LRIG1: variants seen among roughly 807,000 people sequenced by gnomAD.
The protein encoded by LRIG1 is leucine rich repeats and immunoglobulin like domains 1.
LRIG1 carries 48 observed loss-of-function variants against 99.2 expected under a neutral mutation model. The ratio of observed to expected loss-of-function variants is 0.48; its 90% CI spans 0.38 to 0.62. The LOEUF is 0.62. Among genes scored for constraint, LRIG1 ranks in the 20% least tolerant of loss-of-function variants. The pLI is 0.00. For missense variants in LRIG1, 1,646 were observed against 1,434.4 expected, an observed-to-expected ratio of 1.15 and a Z score of -2.38; for synonymous variants, 772 against 596.1, an observed-to-expected ratio of 1.29 and a Z score of -4.30.
intron 8 of LRIG1, chr3:66,406,056 C>G: frequency 1.0e-6 from 1 of 986,740 alleles, no homozygotes; most frequent in African/African-American, 1.7e-5. Context: ...ATTTTCCCCC[C>G]GAGCCCTTGC....
At chr3:66,472,176 C>T (rs1373967135) in intron 1 of LRIG1, among the ~76,000 whole-genome samples, 1 of 151,654 alleles carries the variant, frequency 6.6e-6, no homozygotes, top group East Asian at 1.9e-4. Context: ...TGGTGGTGGG[C>T]GCCTGTAGTC....
chr3:66,467,144 C>T (rs891807145), intron 1 of LRIG1, among the ~76,000 whole-genome samples: 3 of 152,170 alleles, frequency 2.0e-5, no homozygotes, highest in East Asian at 1.9e-4. Context: ...CAGTGCACAA[C>T]AACAGTTTGC....
In LRIG1 at chr3:66,462,529, A is replaced by T; in HGVS notation, c.219-20T>A. The T allele has an allele frequency of 6.4e-7, 1 of 1,566,498 alleles. No homozygotes were observed. The highest frequency in any genetic ancestry group is 2.2e-5 in the East Asian group (1 of 44,556). On this transcript the variant is annotated intron_variant, in intron 1 of 18. Coordinates refer to ENST00000273261, the MANE Select transcript of LRIG1 (RefSeq NM_015541.3). ...AGGTTTCTGGTAAAGACAGAGAGAG[A>T]AAAAAACGGAATCAACAACCTGGCA...
rs757878940 is a variant in LRIG1, at chr3:66,383,323, G to C, written c.2150C>G (p.Thr717Arg). Residue 717 changes from threonine (T) to arginine (R), a missense_variant, in exon 15 of 19, where the codon ACG becomes AGG. Physicochemically the swap from Thr to Arg is moderately conservative, Grantham distance 71. Coordinates refer to ENST00000273261, the MANE Select transcript of LRIG1 (RefSeq NM_015541.3). ...GGTGATGCGGGGCGGAGGGTTCCCC[G>C]TGGCTTTGCATTGGAGGGCCACTGT... ...GETVALQCKA[T>R]GNPPPRITWF... The C allele has an allele frequency of 6.2e-7, 1 of 1,602,446 alleles. No homozygotes were observed. Among genetic ancestry groups the C allele is most frequent in the Admixed American group, 1.7e-5 (1 of 59,720 alleles).
chr3:66,497,525 T>C (rs575142216), intron 1 of LRIG1, among the ~76,000 whole-genome samples: 1 of 152,190 alleles, frequency 6.6e-6, no homozygotes, highest in South Asian at 2.1e-4. Flanking sequence ...AAATTATGGC[T>C]TGACTACTAC....
intron 3 of LRIG1, among the ~76,000 whole-genome samples, chr3:66,424,892 G>A: frequency 6.6e-6 from 1 of 152,218 alleles, no homozygotes; most frequent in East Asian, 1.9e-4. Context: ...CTTTGTGTTA[G>A]ATGATTCTGC....
At chr3:66,405,099 G>T (rs1036282615) in intron 9 of LRIG1, 99 bp downstream of exon 9, 5 of 1,011,508 alleles carry the variant, frequency 4.9e-6, no homozygotes, top group African/African-American at 3.2e-5. Flanking sequence ...CTTCCGCCTG[G>T]GCCCAGAGCA....
intron 1 of LRIG1, among the ~76,000 whole-genome samples, chr3:66,496,481 C>G (rs1701230855): frequency 6.6e-6 from 1 of 152,170 alleles, no homozygotes; most frequent in Non-Finnish European, 1.5e-5. Flanking sequence ...CAAGTTATCC[C>G]CCAACAAGAG....
intron 9 of LRIG1, among the ~76,000 whole-genome samples, chr3:66,399,777 A>T (rs556564855): frequency 6.6e-6 from 1 of 152,296 alleles, no homozygotes; most frequent in East Asian, 1.9e-4. Context: ...CAAACAAAAA[A>T]CAAACAAAAA....
chr3:66,458,393 A>G (rs559060908), intron 2 of LRIG1, among the ~76,000 whole-genome samples: 19 of 151,318 alleles, frequency 1.3e-4, no homozygotes, highest in Non-Finnish European at 2.9e-5. Context: ...AAAATGTTTT[A>G]AGGGGCTGGG....
intron 1 of LRIG1, among the ~76,000 whole-genome samples, chr3:66,472,955 TA>T (rs1700637422): frequency 6.6e-6 from 1 of 152,050 alleles, no homozygotes; most frequent in South Asian, 2.1e-4. Context: ...AAAATATTAG[TA>T]CAAAAACCTC....
rs1285228641 is a variant in LRIG1, at chr3:66,500,560, C to A, written c.-153G>T. 2.5e-6 allele frequency: 1 copy of A among 402,292 alleles called. No individual in the cohort carries two copies. Among genetic ancestry groups the A allele is most frequent in the Non-Finnish European group, 4.2e-6 (1 of 236,432 alleles). The allele number at this position is 402,292 out of a possible 1,614,324, so 24.9% of individuals were successfully genotyped here. On this transcript the variant is annotated 5_prime_UTR_variant, in exon 1 of 19. Transcript: ENST00000273261. ...CAAGTTCTCTCTGCGGCCGCGGCTC[C>A]GGCACTCAGCGTGCCCCCGGTGCCC...
chr3:66,424,486 G>A (rs1702916620), intron 3 of LRIG1, among the ~76,000 whole-genome samples: 1 of 152,150 alleles, frequency 6.6e-6, no homozygotes, highest in Non-Finnish European at 1.5e-5. Context: ...CCACCTTCAG[G>A]AAACTATCCA....
intron 6 of LRIG1, among the ~76,000 whole-genome samples, chr3:66,411,968 G>A (rs954859686): frequency 3.9e-5 from 6 of 152,084 alleles, no homozygotes; most frequent in Non-Finnish European, 8.8e-5. Flanking sequence ...GGTGGGCAGT[G>A]ATGGCTTTTC....
At chr3:66,489,752 G>C (rs548971968) in intron 1 of LRIG1, among the ~76,000 whole-genome samples, 4 of 152,290 alleles carry the variant, frequency 2.6e-5, no homozygotes, top group Non-Finnish European at 5.9e-5. Flanking sequence ...AGGTTATGCT[G>C]CCAATCAGTG....
At chr3:66,384,879 G>C (rs1303831135) in intron 13 of LRIG1, among the ~76,000 whole-genome samples, 3 of 152,182 alleles carry the variant, frequency 2.0e-5, no homozygotes, top group Admixed American at 6.5e-5. Flanking sequence ...GGCACCACCA[G>C]AGTTCCTGTC....
chr3:66,456,732 G>A (rs535578338), intron 2 of LRIG1, among the ~76,000 whole-genome samples: 24 of 152,264 alleles, frequency 1.6e-4, no homozygotes, highest in East Asian at 3.9e-4. Flanking sequence ...GACACAGTGC[G>A]ATGAACCACA....
At chr3:66,452,998 G>A (rs1245203140) in intron 2 of LRIG1, among the ~76,000 whole-genome samples, 2 of 152,102 alleles carry the variant, frequency 1.3e-5, no homozygotes, top group African/African-American at 4.8e-5. Flanking sequence ...TTATCTGACT[G>A]CCCCCTAAAT....
At chr3:66,500,166 G>GAGGGCGGAA in intron 1 of LRIG1, 24 bp downstream of exon 1, 1 of 1,504,996 alleles carries the variant, frequency 6.6e-7, no homozygotes, top group South Asian at 1.2e-5. Flanking sequence ...GGGGCGCAGA[G>GAGGGCGGAA]AGGGCGGAAA....
Sources: allele counts gnomAD v4.1 joint callset (sites outside exome capture counted in the v4.1 genomes callset), GRCh38; gene constraint gnomAD v4.1.1; transcripts MANE v1.5; gene names NCBI Gene and HGNC (gene_info 2026-07-23, HGNC 2026-07-21).